Variants in HS6ST3 observed in about 807,000 individuals in gnomAD.
The protein encoded by HS6ST3 is heparan sulfate 6-O-sulfotransferase 3, also known as heparan-sulfate 6-O-sulfotransferase 3.
HS6ST3 carries 12 observed loss-of-function variants against 36.7 expected under a neutral mutation model. The observed-to-expected ratio is 0.33, with a 90% CI of 0.21 to 0.53. The LOEUF is 0.53. Ranked by LOEUF, HS6ST3 falls within the 20% of genes least tolerant of loss-of-function variation. The probability of loss-of-function intolerance (pLI) is 0.95; values close to 1 mark genes in which losing one functional copy is unlikely to be tolerated. For synonymous variants in HS6ST3, 240 were observed against 257.5 expected (o/e 0.93, Z 0.65); for missense variants, 584 against 640.9 (o/e 0.91, Z 0.96).
chr13:96,360,925 G>A (rs1158312160), intron 1 of HS6ST3, among the ~76,000 whole-genome samples: 2 of 136,174 alleles, frequency 1.5e-5, no homozygotes, highest in Non-Finnish European at 3.0e-5. Context: ...CAGCCTGGAC[G>A]ACAGAGCAAG....
chr13:96,720,344 A>G (rs1875812373), intron 1 of HS6ST3, among the ~76,000 whole-genome samples: 1 of 152,190 alleles, frequency 6.6e-6, no homozygotes, highest in Admixed American at 6.5e-5. Flanking sequence ...CAGAAGGGAG[A>G]GACTAAACCT....
rs145978605 is a variant in HS6ST3, at chr13:96,683,914, A to T, written c.708-148576A>T. Among the ~76,000 whole-genome samples the T allele has an allele frequency of 1.4e-4, 21 of 152,188 alleles. No individual in the cohort carries two copies. In the East Asian group the frequency reaches 3.1e-3, roughly 22 times the overall value. ...GAGGGTAGAGTTTGTTTAAGTAGGC[A>T]TTTCTGTGCCAAATTACTCTGCATA... On this transcript the variant is annotated intron_variant, in intron 1 of 1. Transcript: ENST00000376705.
Position 96,579,006 on chromosome 13 carries a change from G to T in HS6ST3, c.708-253484G>T, listed in dbSNP as rs2056331668. ...TAAAAGAGTATGTCTTTGATCGCTA[G>T]AGTTTGCACAATTAAATTATTTCCA... is the stretch of plus-strand genomic sequence containing the variant. On this transcript the variant is annotated intron_variant, in intron 1 of 1. Coordinates refer to ENST00000376705, the MANE Select transcript of HS6ST3 (RefSeq NM_153456.4). 4.6e-5 allele frequency among the ~76,000 whole-genome samples: 7 copies of T among 152,212 alleles called. No individual in the cohort carries two copies. In the South Asian group the frequency reaches 1.5e-3, roughly 32 times the overall value.
chr13:96,685,278 A>C (rs1176510810), intron 1 of HS6ST3, among the ~76,000 whole-genome samples: 1 of 152,116 alleles, frequency 6.6e-6, no homozygotes, highest in Non-Finnish European at 1.5e-5. Context: ...ATGTGCAGAT[A>C]GCTTATTCAT....
At chr13:96,708,243 A>T (rs1304765217) in intron 1 of HS6ST3, among the ~76,000 whole-genome samples, 1 of 152,166 alleles carries the variant, frequency 6.6e-6, no homozygotes, top group Non-Finnish European at 1.5e-5. Flanking sequence ...AAGCCACTTT[A>T]CCCTTTTCCA....
rs150333328 is a variant in HS6ST3 at position 96,202,396 on chromosome 13, A to T, written c.707+110827A>T. On this transcript the variant is annotated intron_variant, in intron 1 of 1. Coordinates refer to ENST00000376705, the MANE Select transcript of HS6ST3 (RefSeq NM_153456.4). ...CTTTTTATGTAACTGCGCTGATTTC[A>T]TCAAATGCCTTTATTCCCTGCCCCA... Among the ~76,000 whole-genome samples the T allele has an allele frequency of 5.8e-3, 888 of 152,268 alleles. 6 individuals are homozygous for T. The highest frequency in any genetic ancestry group is 9.3e-3 in the Non-Finnish European group (631 of 68,020).
chr13:96,442,261 A>G (rs2055675385), intron 1 of HS6ST3, among the ~76,000 whole-genome samples: 1 of 152,254 alleles, frequency 6.6e-6, no homozygotes, highest in African/African-American at 2.4e-5. Context: ...TAATCCATCC[A>G]TCTTGGCTTC....
At chr13:96,469,338 TA>T (rs923426987) in intron 1 of HS6ST3, among the ~76,000 whole-genome samples, 16 of 151,912 alleles carry the variant, frequency 1.1e-4, no homozygotes, top group Non-Finnish European at 1.9e-4. Context: ...ACATTAAAAA[TA>T]AAGCCATGGC....
chr13:96,695,994 A>G (rs1875116719), intron 1 of HS6ST3, among the ~76,000 whole-genome samples: 1 of 152,230 alleles, frequency 6.6e-6, no homozygotes, highest in African/African-American at 2.4e-5. Flanking sequence ...ATAAGCAGTA[A>G]AGAACACTAC....
At chr13:96,381,433 T>TCTATCTATCTATCTATCTATCTAG (rs2055341144) in intron 1 of HS6ST3, among the ~76,000 whole-genome samples, 1 of 151,784 alleles carries the variant, frequency 6.6e-6, no homozygotes, top group South Asian at 2.1e-4. Context: ...TATCTATCTA[T>TCTATCTATCTATCTATCTATCTAG]CTATCACTCA....
At chr13:96,246,719 G>A (rs1255491904) in intron 1 of HS6ST3, among the ~76,000 whole-genome samples, 1 of 152,070 alleles carries the variant, frequency 6.6e-6, no homozygotes, top group Non-Finnish European at 1.5e-5. Context: ...TTTTCAAGAT[G>A]TTTAAAAACA....
At chr13:96,372,598 A>G (rs1421747168) in intron 1 of HS6ST3, among the ~76,000 whole-genome samples, 1 of 152,140 alleles carries the variant, frequency 6.6e-6, no homozygotes, top group Non-Finnish European at 1.5e-5. Context: ...GTTTTCTTCT[A>G]GGAATTTTAT....
chr13:96,606,140 G>A (rs377717633), intron 1 of HS6ST3, among the ~76,000 whole-genome samples: 3 of 152,246 alleles, frequency 2.0e-5, no homozygotes, highest in African/African-American at 7.2e-5. Flanking sequence ...AATTAGTTCA[G>A]CCACTGTGGA....
chr13:96,209,406 C>CT (rs1484674808), intron 1 of HS6ST3, among the ~76,000 whole-genome samples: 5 of 152,064 alleles, frequency 3.3e-5, no homozygotes, highest in Admixed American at 3.3e-4. Context: ...TGCTCCCCAG[C>CT]TTTTTTCTGG....
rs1555297615 is a variant in HS6ST3 at position 96,317,356 on chromosome 13, A to ATATATAAAAT, written c.707+225793_707+225794insAAATTATATA. Reference sequence around the variant, plus strand: ...TATATATATATATATATATATATATATATATATATATAAAATTATATATAT... The same window carrying ATATATAAAAT: ...TATATATATATATATATATATATATATATATAAAATTATATATATATAAAATTATATATAT... On this transcript the variant is annotated intron_variant, in intron 1 of 1. Transcript: ENST00000376705. Among the ~76,000 whole-genome samples, 97 of 14,102 alleles carry ATATATAAAAT rather than the reference A, an allele frequency of 6.9e-3. 1 individual carries two copies. Among genetic ancestry groups the ATATATAAAAT allele is most frequent in the African/African-American group, 0.015 (95 of 6,488 alleles). The allele number at this position is 14,102 out of a possible 152,430, so 9.3% of individuals were successfully genotyped here. A position where few individuals can be genotyped will look rare whatever the true frequency, so the allele number is the denominator to read the frequency against.
chr13:96,802,028 A>G (rs911221458), intron 1 of HS6ST3, among the ~76,000 whole-genome samples: 1 of 152,144 alleles, frequency 6.6e-6, no homozygotes, highest in African/African-American at 2.4e-5. Context: ...TGAAGTAATT[A>G]CAGAAGCACT....
At chr13:96,800,947 T>TA (rs1878051045) in intron 1 of HS6ST3, among the ~76,000 whole-genome samples, 1 of 152,116 alleles carries the variant, frequency 6.6e-6, no homozygotes, top group South Asian at 2.1e-4. Flanking sequence ...TAGTAAGACA[T>TA]AAAAAGTGCC....
intron 1 of HS6ST3, among the ~76,000 whole-genome samples, chr13:96,518,668 A>T (rs953688776): frequency 6.6e-6 from 1 of 152,180 alleles, no homozygotes; most frequent in African/African-American, 2.4e-5. Context: ...TATAGATTCA[A>T]AGAGTACATT....
chr13:96,242,036 C>T (rs1223680747), intron 1 of HS6ST3, among the ~76,000 whole-genome samples: 5 of 151,860 alleles, frequency 3.3e-5, no homozygotes, highest in Admixed American at 6.6e-5. Flanking sequence ...CCGCCCGCCT[C>T]GGCCTCCCAA....
Sources: gnomAD v4.1 joint callset for allele counts (sites outside exome capture counted in the v4.1 genomes callset) on GRCh38, gnomAD v4.1.1 for gene constraint, MANE v1.5 for transcripts, NCBI Gene and HGNC (gene_info 2026-07-23, HGNC 2026-07-21) for gene names.